The following PCDHA12 variants were observed in gnomAD, a reference collection of about 807,000 sequenced individuals.
The protein encoded by PCDHA12 is protocadherin alpha-12.
A neutral mutation model predicts 60.0 loss-of-function variants in PCDHA12; 44 were observed. The observed-to-expected ratio is 0.73, with a 90% CI of 0.58 to 0.94. The LOEUF (loss-of-function observed/expected upper bound fraction) is 0.94. PCDHA12 is among the 40% of genes least tolerant of loss of function. The pLI, the probability that PCDHA12 is intolerant of heterozygous loss-of-function variation, is 0.00. For missense variants in PCDHA12, 1,276 were observed against 1,239.7 expected (o/e 1.03, Z -0.44); for synonymous variants, 569 against 553.0 (o/e 1.03, Z -0.40).
intron 1 of PCDHA12, among the ~76,000 whole-genome samples, chr5:140,955,338 C>T (rs1232401709): frequency 6.6e-6 from 1 of 152,062 alleles, no homozygotes; most frequent in African/African-American, 2.4e-5. Flanking sequence ...TCCCATAATC[C>T]CCACATGTTG....
chr5:140,972,411 G>A (rs1258321444), intron 1 of PCDHA12, among the ~76,000 whole-genome samples: 1 of 151,680 alleles, frequency 6.6e-6, no homozygotes, highest in Non-Finnish European at 1.5e-5. Flanking sequence ...GGCAAACCCT[G>A]TTAAGATCTT....
intron 3 of PCDHA12, among the ~76,000 whole-genome samples, chr5:140,996,330 A>G (rs551945424): frequency 6.6e-6 from 1 of 152,208 alleles, no homozygotes; most frequent in Non-Finnish European, 1.5e-5. Flanking sequence ...TAGAGAAGAA[A>G]AGTTTGAAAA....
At chr5:140,931,216 A>G (rs1347905969) in intron 1 of PCDHA12, among the ~76,000 whole-genome samples, 4 of 152,190 alleles carry the variant, frequency 2.6e-5, no homozygotes, top group African/African-American at 9.6e-5. Context: ...TTCAGGTATC[A>G]GAGCACTTAA....
At position 140,877,488 on chromosome 5, in the gene PCDHA12, C is replaced by T. The variant is rs781785108; in HGVS notation, c.2016C>T (p.Asn672=). 9 of 1,613,736 alleles carry T rather than the reference C, an allele frequency of 5.6e-6. No homozygotes were observed. The highest frequency in any genetic ancestry group is 5.0e-5 in the Admixed American group (3 of 59,998). ...TATVLVSLVE[N]GQAPKTSSRA... is the part of the protein sequence containing the mutation. Reference sequence around the variant, plus strand: ...CGGTGCTGGTGTCGCTGGTGGAGAACGGCCAGGCCCCAAAGACGTCGTCGC... The same window carrying T: ...CGGTGCTGGTGTCGCTGGTGGAGAATGGCCAGGCCCCAAAGACGTCGTCGC... Residue 672 remains asparagine, a synonymous_variant, in exon 1 of 4, where the codon AAC becomes AAT. Transcript: ENST00000398631.
intron 1 of PCDHA12, chr5:140,882,642 A>C (rs2153386129): frequency 6.2e-7 from 1 of 1,614,224 alleles, no homozygotes; most frequent in East Asian, 2.2e-5. Flanking sequence ...AAGGTGAGGG[A>C]CATTAACGAC....
At chr5:141,006,108 T>G (rs1268824828) in intron 3 of PCDHA12, among the ~76,000 whole-genome samples, 3 of 151,864 alleles carry the variant, frequency 2.0e-5, no homozygotes, top group Non-Finnish European at 4.4e-5. Flanking sequence ...GTAAGGAGTT[T>G]TTTTTTTTTT....
chr5:140,969,281 A>C, intron 1 of PCDHA12: 5 of 1,614,220 alleles, frequency 3.1e-6, no homozygotes, highest in Non-Finnish European at 3.4e-6. Context: ...AAGTGGTCAG[A>C]ATGCTGGGAA....
chr5:140,894,678 G>A (rs2064610623), intron 1 of PCDHA12, among the ~76,000 whole-genome samples: 2 of 151,110 alleles, frequency 1.3e-5, no homozygotes, highest in African/African-American at 4.9e-5. Flanking sequence ...TTCTTGCATA[G>A]CTTTTCATTA....
intron 1 of PCDHA12, among the ~76,000 whole-genome samples, chr5:140,884,903 T>C (rs1462790087): frequency 1.3e-5 from 2 of 152,268 alleles, no homozygotes; most frequent in Admixed American, 1.3e-4. Flanking sequence ...GTTTCTGTTG[T>C]ATTCTTAATA....
intron 1 of PCDHA12, among the ~76,000 whole-genome samples, chr5:140,911,000 C>T (rs139648608): frequency 1.9e-3 from 291 of 152,218 alleles, no homozygotes; most frequent in African/African-American, 6.7e-3. Context: ...ACCCCTAGGG[C>T]CCTCCTGGGA....
rs1554262529 is a variant in PCDHA12 at position 141,009,890 on chromosome 5, G to A, written c.2779G>A (p.Glu927Lys). 8.1e-6 allele frequency: 13 copies of A among 1,612,626 alleles called. No homozygotes were observed. Among genetic ancestry groups the A allele is most frequent in the Non-Finnish European group, 1.1e-5 (13 of 1,179,746 alleles). ...AAAGAAGAAGGGTAACAAGACCCAG[G>A]AGAAAAAAGAGAAAGGGAACAGCAC... Reference protein sequence around the residue: ...KKKKKGNKTQEKKEKGNSTTD... With the variant: ...KKKKKGNKTQKKKEKGNSTTD... The change falls in exon 4 of 4, where the codon GAG becomes AAG. Residue 927 changes from glutamate to lysine, a missense_variant. Glu to Lys is a moderately conservative substitution (Grantham distance 56). Coordinates refer to ENST00000398631, the MANE Select transcript of PCDHA12 (RefSeq NM_018903.4).
intron 1 of PCDHA12, among the ~76,000 whole-genome samples, chr5:140,964,705 C>T (rs1361202248): frequency 2.6e-5 from 4 of 151,550 alleles, no homozygotes; most frequent in Non-Finnish European, 4.4e-5. Flanking sequence ...TTAAGGCCTC[C>T]GAGATCAAAT....
intron 3 of PCDHA12, among the ~76,000 whole-genome samples, chr5:141,000,895 T>C (rs896500322): frequency 5.3e-5 from 8 of 152,072 alleles, no homozygotes; most frequent in Non-Finnish European, 1.2e-4. Context: ...GCAACAGATA[T>C]AGACGCTGTC....
At position 140,889,293 on chromosome 5, in the gene PCDHA12, T is replaced by C. The variant is rs1051889855; in HGVS notation, c.2367+11454T>C. 3.3e-5 allele frequency among the ~76,000 whole-genome samples: 5 copies of C among 152,196 alleles called. No individual in the cohort carries two copies. The South Asian group carries it at 6.2e-4, about 19-fold the overall frequency. The stretch of plus-strand genomic sequence containing the variant: ...ATCTTTGAATTACTTCTTATTTGAT[T>C]GGAGAACTCACTGTTGAAGTTATCT... On this transcript the variant is annotated intron_variant, in intron 1 of 3. Transcript: ENST00000398631.
intron 1 of PCDHA12, among the ~76,000 whole-genome samples, chr5:140,972,883 C>T (rs1020544230): frequency 1.1e-4 from 16 of 151,884 alleles, no homozygotes; most frequent in African/African-American, 1.7e-4. Context: ...AGGATGGTCT[C>T]GATCTCTTGA....
chr5:140,991,445 A>G (rs1352709310), intron 3 of PCDHA12, among the ~76,000 whole-genome samples: 1 of 152,222 alleles, frequency 6.6e-6, no homozygotes, highest in African/African-American at 2.4e-5. Flanking sequence ...CATGGCTTAA[A>G]ACAACACAAT....
At chr5:140,903,416 T>A (rs2070284951) in intron 1 of PCDHA12, among the ~76,000 whole-genome samples, 1 of 152,184 alleles carries the variant, frequency 6.6e-6, no homozygotes, top group Admixed American at 6.5e-5. Flanking sequence ...TCAGGAAAAA[T>A]TCAGCACAAT....
At chr5:140,975,896 T>C (rs1267301126) in intron 1 of PCDHA12, among the ~76,000 whole-genome samples, 1 of 152,202 alleles carries the variant, frequency 6.6e-6, no homozygotes, top group Non-Finnish European at 1.5e-5. Context: ...CATATGGAGT[T>C]TTGTGACCAT....
chr5:140,891,009 A>AT (rs35053611), intron 1 of PCDHA12, among the ~76,000 whole-genome samples: 3 of 152,052 alleles, frequency 2.0e-5, no homozygotes, highest in East Asian at 3.9e-4. Context: ...ATTGAAAAGC[A>AT]TTTTTTCTGA....
Sources: gnomAD v4.1 joint callset for allele counts (sites outside exome capture counted in the v4.1 genomes callset) on GRCh38, gnomAD v4.1.1 for gene constraint, MANE v1.5 for transcripts, NCBI Gene and HGNC (gene_info 2026-07-23, HGNC 2026-07-21) for gene names.